Variants in ELF2 observed in about 807,000 individuals in gnomAD.
ELF2 encodes the protein ETS-related transcription factor Elf-2.
A neutral mutation model predicts 54.8 loss-of-function variants in ELF2; 11 were observed. The observed-to-expected ratio is 0.20, with a 90% CI of 0.13 to 0.33. The LOEUF (loss-of-function observed/expected upper bound fraction) is 0.33. Ranked by LOEUF, ELF2 falls within the 10% of genes least tolerant of loss-of-function variation. The pLI is 1.00. For synonymous variants in ELF2, 203 were observed against 245.1 expected, an observed-to-expected ratio of 0.83 and a Z score of 1.61; for missense variants, 513 against 703.0, an observed-to-expected ratio of 0.73 and a Z score of 3.06.
intron 1 of ELF2, among the ~76,000 whole-genome samples, chr4:139,143,758 C>A (rs1738945721): frequency 6.6e-6 from 1 of 151,944 alleles, no homozygotes; most frequent in South Asian, 2.1e-4. Flanking sequence ...CCAGCCCGGG[C>A]AACAGAGCAA....
At chr4:139,082,939 C>T (rs1663718821) in intron 4 of ELF2, among the ~76,000 whole-genome samples, 1 of 152,180 alleles carries the variant, frequency 6.6e-6, no homozygotes, top group African/African-American at 2.4e-5. Context: ...GCAGCAGTGG[C>T]GCCGCACATC....
At chr4:139,152,357 TG>T (rs1740089616) in intron 1 of ELF2, among the ~76,000 whole-genome samples, 1 of 151,596 alleles carries the variant, frequency 6.6e-6, no homozygotes, top group South Asian at 2.1e-4. Flanking sequence ...TTTTTTGAAA[TG>T]GGATCTCACT....
At chr4:139,090,915 T>A (rs144261687) in intron 4 of ELF2, among the ~76,000 whole-genome samples, 1 of 1,120 alleles carries the variant, frequency 8.9e-4, no homozygotes, top group South Asian at 0.25. Context: ...AGTATATGGT[T>A]TGTTTTGTTT....
At position 139,110,359 on chromosome 4, in the gene ELF2, C is replaced by A. The variant is rs567053498; in HGVS notation, c.238+14805G>T. 2.0e-5 allele frequency among the ~76,000 whole-genome samples: 3 copies of A among 152,178 alleles called. No individual in the cohort carries two copies. In the East Asian group the frequency reaches 5.8e-4, roughly 29 times the overall value. On this transcript the variant is annotated intron_variant, in intron 4 of 9. Coordinates refer to ENST00000686138, the MANE Select transcript of ELF2 (RefSeq NM_001331036.3). ...AGACAGACATCTGTAAGGCAGCTAT[C>A]CAGGGACAAAATGTTTGAGAATGGC...
At chr4:139,177,748 C>A (rs79612664), upstream of ELF2, among the ~76,000 whole-genome samples, 33,941 of 151,866 alleles carry the variant, frequency 0.22, 3,856 homozygotes, top group Middle Eastern at 0.32. Flanking sequence ...CCACTCAGGG[C>A]CCCCGCAGGC....
At chr4:139,151,090 A>AAGAAAGAAAG (rs1457833969) in intron 1 of ELF2, among the ~76,000 whole-genome samples, 1 of 148,666 alleles carries the variant, frequency 6.7e-6, no homozygotes, top group Non-Finnish European at 1.5e-5. Flanking sequence ...GAAAGAAAGA[A>AAGAAAGAAAG]AGAAAAAGAG....
At chr4:139,106,948 G>A (rs1199647436) in intron 4 of ELF2, among the ~76,000 whole-genome samples, 4 of 151,430 alleles carry the variant, frequency 2.6e-5, no homozygotes, top group Non-Finnish European at 2.9e-5. Context: ...GTTTCACCAC[G>A]TTACTCAGGC....
At chr4:139,108,062 C>A (rs969202400) in intron 4 of ELF2, among the ~76,000 whole-genome samples, 20 of 151,816 alleles carry the variant, frequency 1.3e-4, no homozygotes, top group East Asian at 3.9e-4. Flanking sequence ...ATAATTAATA[C>A]AAGGGCTTTA....
At chr4:139,170,659 T>TAA (rs35573047) in intron 1 of ELF2, among the ~76,000 whole-genome samples, 20 of 145,458 alleles carry the variant, frequency 1.4e-4, no homozygotes, top group Admixed American at 2.1e-4. Context: ...AATATATTTC[T>TAA]AAAAAAAAAA....
chr4:139,106,740 C>CT (rs35312494), intron 4 of ELF2, among the ~76,000 whole-genome samples: 1,352 of 93,708 alleles, frequency 0.014, 30 homozygotes, highest in African/African-American at 0.049. Context: ...AACTATATTT[C>CT]TTTTTTTTTT....
Position 139,137,881 on chromosome 4 carries a change from G to T in ELF2, c.-166-14C>A. On this transcript the variant is annotated splice_polypyrimidine_tract_variant and intron_variant, in intron 2 of 9. Transcript: ENST00000686138. ...TAACCAGAAAGCCTAAAAAGAGGAA[G>T]AATTTGAAAAGTTATTTTAAAAATT... is the stretch of plus-strand genomic sequence containing the variant. 2 of 1,291,194 alleles carry T rather than the reference G, an allele frequency of 1.5e-6. No homozygotes were observed. 80.0% of individuals were successfully genotyped at this position (1,291,194 alleles called of 1,614,324 possible).
rs558710226 is a variant in ELF2 at position 139,129,229 on chromosome 4, C to T, written c.73-3900G>A. On this transcript the variant is annotated intron_variant, in intron 3 of 9. Transcript: ENST00000686138. Reference sequence around the variant, plus strand: ...CTGGGATGACAGGCATGAGCGACTACCCCCGGCCTACCACTCTACTTTCAA... The same window carrying T: ...CTGGGATGACAGGCATGAGCGACTATCCCCGGCCTACCACTCTACTTTCAA... 7.1e-4 allele frequency among the ~76,000 whole-genome samples: 108 copies of T among 152,220 alleles called. 3 individuals carry two copies. The South Asian group carries it at 0.019, about 27-fold the overall frequency.
intron 1 of ELF2, among the ~76,000 whole-genome samples, chr4:139,170,258 CCT>C (rs1742143095): frequency 1.5e-5 from 2 of 130,880 alleles, no homozygotes; most frequent in African/African-American, 5.9e-5. Flanking sequence ...ATCTTAATCG[CCT>C]TTTTTTTTTT....
intron 1 of ELF2, among the ~76,000 whole-genome samples, chr4:139,149,608 C>A (rs549139900): frequency 6.6e-6 from 1 of 151,858 alleles, no homozygotes; most frequent in Non-Finnish European, 1.5e-5. Flanking sequence ...AGCAAGACTC[C>A]GTCTCAAAAA....
In ELF2 at chr4:139,080,588, C is replaced by T. The variant is rs186278038; in HGVS notation, c.239-7021G>A. 6.1e-3 allele frequency among the ~76,000 whole-genome samples: 924 copies of T among 151,606 alleles called. 12 individuals are homozygous for T. The highest frequency in any genetic ancestry group is 0.021 in the African/African-American group (888 of 41,324). On this transcript the variant is annotated intron_variant, in intron 4 of 9. Transcript: ENST00000686138. Reference sequence around the variant, plus strand: ...ACCAAAACTTCTGATTACCTTATTTCGCAAATGTAAAAATAAAATAAAATA... The same window carrying T: ...ACCAAAACTTCTGATTACCTTATTTTGCAAATGTAAAAATAAAATAAAATA...
intron 3 of ELF2, among the ~76,000 whole-genome samples, chr4:139,132,878 T>C (rs988638961): frequency 7.3e-6 from 1 of 136,158 alleles, no homozygotes; most frequent in South Asian, 2.2e-4. Context: ...ATATATAAAA[T>C]ATGTAATTTT....
intron 1 of ELF2, among the ~76,000 whole-genome samples, chr4:139,164,878 G>A (rs1195173327): frequency 6.6e-6 from 1 of 152,124 alleles, no homozygotes; most frequent in African/African-American, 2.4e-5. Flanking sequence ...ATTTTACTAA[G>A]AGCCATGTAT....
rs560025662 is a variant in ELF2 at position 139,158,553 on chromosome 4, G to C, written c.-252+18414C>G. 2.8e-3 allele frequency among the ~76,000 whole-genome samples: 422 copies of C among 152,216 alleles called. 1 individual carries two copies. The highest frequency in any genetic ancestry group is 9.9e-3 in the African/African-American group (411 of 41,546). ...AGTGGGAGAGATTAAGCTGAAAGAA[G>C]ATTTTGTGGTAAGGGGCGATATTGT... On this transcript the variant is annotated intron_variant, in intron 1 of 9. Transcript: ENST00000686138.
intron 4 of ELF2, among the ~76,000 whole-genome samples, chr4:139,079,070 C>T (rs1578724160): frequency 6.6e-6 from 1 of 151,962 alleles, no homozygotes; most frequent in African/African-American, 2.4e-5. Context: ...AGACCACAGG[C>T]ACGCATCAGC....
Sources: allele counts gnomAD v4.1 joint callset (sites outside exome capture counted in the v4.1 genomes callset), GRCh38; gene constraint gnomAD v4.1.1; transcripts MANE v1.5; gene names NCBI Gene and HGNC (gene_info 2026-07-23, HGNC 2026-07-21).